The following KCNC2 variants were observed in gnomAD, a reference collection of about 807,000 sequenced individuals.
KCNC2 encodes potassium voltage-gated channel subfamily C member 2.
In KCNC2, 21 loss-of-function variants were observed where a neutral mutation model predicts 44.5. The ratio of observed to expected loss-of-function variants is 0.47; its 90% CI spans 0.33 to 0.68. The LOEUF (loss-of-function observed/expected upper bound fraction) is 0.68, where lower values mean the gene tolerates loss of function less well. Ranked by LOEUF, KCNC2 falls within the 30% of genes least tolerant of loss-of-function variation. KCNC2 has a pLI of 0.01. For missense variants in KCNC2, 589 were observed against 826.2 expected (o/e 0.71, Z 3.52); for synonymous variants, 391 against 339.1 (o/e 1.15, Z -1.68).
Position 75,056,914 on chromosome 12 carries a change from A to G in KCNC2, c.688-5597T>C, listed in dbSNP as rs144791539. ...ATCTCATTTTTTCTCATTACATACA[A>G]CTAATAAAGCAAATGAACAGAAACA... On this transcript the variant is annotated intron_variant, in intron 2 of 4. Coordinates refer to ENST00000549446, the MANE Select transcript of KCNC2 (RefSeq NM_139137.4). 4.4e-3 allele frequency among the ~76,000 whole-genome samples: 676 copies of G among 152,092 alleles called. 3 individuals are homozygous for G. The highest frequency in any genetic ancestry group is 0.015 in the African/African-American group (626 of 41,550).
At chr12:75,133,912 G>A (rs1889037290) in intron 2 of KCNC2, among the ~76,000 whole-genome samples, 1 of 146,632 alleles carries the variant, frequency 6.8e-6, no homozygotes. Flanking sequence ...AGTTAATAAA[G>A]ATACACGAAA....
chr12:75,090,520 C>G (rs577389167), intron 2 of KCNC2, among the ~76,000 whole-genome samples: 33 of 151,592 alleles, frequency 2.2e-4, no homozygotes, highest in Non-Finnish European at 4.6e-4. Context: ...CTGCTTAGCA[C>G]AGCATTAAGG....
Position 75,040,189 on chromosome 12 carries a change from T to C in KCNC2, c.*2916A>G, listed in dbSNP as rs1879752051. 6.6e-6 allele frequency: 1 copy of C among 152,038 alleles called. No homozygotes were observed. Among genetic ancestry groups the C allele is most frequent in the African/African-American group, 2.4e-5 (1 of 41,442 alleles). 9.4% of individuals were successfully genotyped at this position (152,038 alleles called of 1,614,324 possible). On this transcript the variant is annotated 3_prime_UTR_variant, in exon 5 of 5. Coordinates refer to ENST00000549446, the MANE Select transcript of KCNC2 (RefSeq NM_139137.4). The stretch of plus-strand genomic sequence containing the variant: ...CACTGGTTATCATCAAGGTTGTGCA[T>C]GCGCCTTGAAATGTTCACAAAAGGT...
chr12:75,110,665 A>G (rs1470639844), intron 2 of KCNC2, among the ~76,000 whole-genome samples: 1 of 152,166 alleles, frequency 6.6e-6, no homozygotes, highest in African/African-American at 2.4e-5. Flanking sequence ...TGAAGGGGAT[A>G]GCAATTGATA....
At chr12:75,102,992 G>C (rs898637463) in intron 2 of KCNC2, among the ~76,000 whole-genome samples, 3 of 152,030 alleles carry the variant, frequency 2.0e-5, no homozygotes, top group Non-Finnish European at 2.9e-5. Context: ...CACAGTAGGA[G>C]AAAGGACCTG....
intron 2 of KCNC2, among the ~76,000 whole-genome samples, chr12:75,142,196 A>G (rs950509498): frequency 6.6e-6 from 1 of 152,196 alleles, no homozygotes; most frequent in Non-Finnish European, 1.5e-5. Flanking sequence ...AATTTGTCCA[A>G]GATCCTACTT....
intron 3 of KCNC2, among the ~76,000 whole-genome samples, chr12:75,049,790 C>A (rs1201994210): frequency 6.6e-6 from 1 of 151,970 alleles, no homozygotes; most frequent in African/African-American, 2.4e-5. Context: ...TAATGAGATA[C>A]CCTACTTAAT....
At chr12:75,197,132 A>G (rs963182082) in intron 2 of KCNC2, among the ~76,000 whole-genome samples, 1 of 152,052 alleles carries the variant, frequency 6.6e-6, no homozygotes, top group Non-Finnish European at 1.5e-5. Context: ...ATTCATAGGC[A>G]CATTCAAATT....
rs1879838004 is a variant in KCNC2 at position 75,041,030 on chromosome 12, G to A, written c.*2075C>T. 1.6e-6 allele frequency: 2 copies of A among 1,264,362 alleles called. No homozygotes were observed. Among genetic ancestry groups the A allele is most frequent in the Non-Finnish European group, 1.1e-6 (1 of 880,752 alleles). 78.3% of individuals were successfully genotyped at this position (1,264,362 alleles called of 1,614,324 possible). ...GAGCACCAGATGAGTTCCAGCCGCA[G>A]TTCTTTTATAAGCTTTAAGTGCCTC... On this transcript the variant is annotated 3_prime_UTR_variant, in exon 5 of 5. Coordinates refer to ENST00000549446, the MANE Select transcript of KCNC2 (RefSeq NM_139137.4).
chr12:75,177,103 G>T (rs1409616301), intron 2 of KCNC2, among the ~76,000 whole-genome samples: 2 of 149,358 alleles, frequency 1.3e-5, no homozygotes. Flanking sequence ...AAAATGGGAA[G>T]AAATAAAGCA....
chr12:75,189,186 A>G (rs1023672122), intron 2 of KCNC2, among the ~76,000 whole-genome samples: 4 of 152,212 alleles, frequency 2.6e-5, no homozygotes, highest in African/African-American at 9.6e-5. Flanking sequence ...AATGTTTTGA[A>G]GACTGGGAGC....
chr12:75,197,892 T>A (rs1308554256), intron 2 of KCNC2, among the ~76,000 whole-genome samples: 1 of 151,710 alleles, frequency 6.6e-6, no homozygotes, highest in African/African-American at 2.4e-5. Context: ...TACTAAGAAA[T>A]CACCTAAGAT....
intron 2 of KCNC2, among the ~76,000 whole-genome samples, chr12:75,080,602 C>G (rs1199370894): frequency 6.6e-6 from 1 of 152,034 alleles, no homozygotes; most frequent in Admixed American, 6.6e-5. Context: ...TGGAATTGTA[C>G]CAAATGACAA....
chr12:75,093,936 G>A (rs1435783893), intron 2 of KCNC2, among the ~76,000 whole-genome samples: 5 of 151,530 alleles, frequency 3.3e-5, no homozygotes, highest in Admixed American at 6.6e-5. Flanking sequence ...AAAAAGTAAC[G>A]GCAAAAACAG....
intron 1 of KCNC2, among the ~76,000 whole-genome samples, 193 bp downstream of exon 1, chr12:75,209,014 C>G (rs756446408): frequency 6.6e-6 from 1 of 151,990 alleles, no homozygotes; most frequent in Non-Finnish European, 1.5e-5. Flanking sequence ...TGGAGGCACA[C>G]CCCCTGGGTC....
Position 75,050,267 on chromosome 12 carries a change from C to T in KCNC2, c.1615+123G>A, listed in dbSNP as rs111701449. The T allele has an allele frequency of 7.7e-5, 56 of 722,820 alleles. 1 individual carries two copies. The highest frequency in any genetic ancestry group is 5.3e-4 in the African/African-American group (30 of 56,356). The allele number at this position is 722,820 out of a possible 1,614,324, so 44.8% of individuals were successfully genotyped here. A position where few individuals can be genotyped will look rare whatever the true frequency, so the allele number is the denominator to read the frequency against. ...ACAAGCCTGACACAAACACACATTT[C>T]GTGAAAGGGTTAGGGCTGAAAACTC... On this transcript the variant is annotated intron_variant, in intron 3 of 4. Transcript: ENST00000549446.
intron 2 of KCNC2, among the ~76,000 whole-genome samples, chr12:75,095,340 T>A (rs1159408409): frequency 6.6e-6 from 1 of 151,814 alleles, no homozygotes; most frequent in Admixed American, 6.6e-5. Context: ...TTGTCCCATA[T>A]TTGGTTTAAT....
chr12:75,047,289 A>C (rs912950974), intron 4 of KCNC2, among the ~76,000 whole-genome samples: 4 of 151,992 alleles, frequency 2.6e-5, no homozygotes, highest in Non-Finnish European at 4.4e-5. Context: ...AAAGATCCCA[A>C]TTGTCCTAAG....
intron 2 of KCNC2, among the ~76,000 whole-genome samples, chr12:75,199,726 AT>A (rs1288418649): frequency 1.3e-5 from 2 of 151,908 alleles, no homozygotes; most frequent in African/African-American, 4.8e-5. Flanking sequence ...TGACCTGGTT[AT>A]TTACATTTGA....
Sources: gnomAD v4.1 joint callset for allele counts (sites outside exome capture counted in the v4.1 genomes callset) on GRCh38, gnomAD v4.1.1 for gene constraint, MANE v1.5 for transcripts, NCBI Gene and HGNC (gene_info 2026-07-23, HGNC 2026-07-21) for gene names.